Variants in CAMTA1 observed in about 807,000 individuals in gnomAD.
CAMTA1 encodes calmodulin binding transcription activator 1.
A neutral mutation model predicts 170.9 loss-of-function variants in CAMTA1; 27 were observed. The ratio of observed to expected loss-of-function variants is 0.16; its 90% CI spans 0.12 to 0.22. CAMTA1 has a LOEUF of 0.22. CAMTA1 is among the 10% of genes least tolerant of loss of function. The pLI is 1.00. For synonymous variants in CAMTA1, 833 were observed against 891.5 expected, an observed-to-expected ratio of 0.93 and a Z score of 1.17; for missense variants, 1,619 against 2,217.2, an observed-to-expected ratio of 0.73 and a Z score of 5.42.
chr1:7,360,124 AAT>A (rs2085430409), intron 5 of CAMTA1, among the ~76,000 whole-genome samples: 1 of 152,150 alleles, frequency 6.6e-6, no homozygotes, highest in Admixed American at 6.5e-5. Context: ...TTTTATAAGT[AAT>A]CAGTCATATT....
At position 7,641,665 on chromosome 1, in the gene CAMTA1, G is replaced by T. The variant is rs1211355929; in HGVS notation, c.664+1112G>T. On this transcript the variant is annotated intron_variant, in intron 7 of 22. Coordinates refer to ENST00000303635, the MANE Select transcript of CAMTA1 (RefSeq NM_015215.4). The surrounding 1 kb of genome is among the most constrained non-coding windows in gnomAD (Gnocchi z 4.5). ...TCTGTGTGGCAAGGGAGGCCCCCCA[G>T]TGGGTGACAGCCCTGCCCGCCAAGG... is the stretch of plus-strand genomic sequence containing the variant. 6.6e-6 allele frequency among the ~76,000 whole-genome samples: 1 copy of T among 152,130 alleles called. No individual in the cohort carries two copies. The highest frequency in any genetic ancestry group is 1.5e-5 in the Non-Finnish European group (1 of 67,988).
At chr1:7,632,853 G>A (rs549164275) in intron 6 of CAMTA1, among the ~76,000 whole-genome samples, 5 of 152,248 alleles carry the variant, frequency 3.3e-5, no homozygotes, top group African/African-American at 4.8e-5. Flanking sequence ...GATTGCGCAC[G>A]CCCAGGCGTG....
At chr1:7,119,858 A>G (rs1349712966) in intron 4 of CAMTA1, among the ~76,000 whole-genome samples, 4 of 152,194 alleles carry the variant, frequency 2.6e-5, no homozygotes, top group Non-Finnish European at 5.9e-5. Context: ...CCTTCTGAGG[A>G]TGGTGCATAG....
intron 22 of CAMTA1, among the ~76,000 whole-genome samples, chr1:7,766,173 T>G (rs534243982): frequency 6.6e-6 from 1 of 152,330 alleles, no homozygotes; most frequent in Non-Finnish European, 1.5e-5. Flanking sequence ...AACATGTGAT[T>G]GTCACACTTG....
chr1:7,195,159 G>T lies in CAMTA1; in HGVS notation c.303-54332G>T, dbSNP rs535467099. ...CCAGCAGCAGGCGAGGTTTTCTGTC[G>T]TCCAGCACGTGCAAGAGAAGGGCTG... On this transcript the variant is annotated intron_variant, in intron 4 of 22. Coordinates refer to ENST00000303635, the MANE Select transcript of CAMTA1 (RefSeq NM_015215.4). The surrounding 1 kb of genome is among the most constrained non-coding windows in gnomAD (Gnocchi z 4.1). Among the ~76,000 whole-genome samples the T allele has an allele frequency of 6.6e-6, 1 of 152,266 alleles. No homozygotes were observed. The highest frequency in any genetic ancestry group is 2.1e-4 in the South Asian group (1 of 4,818).
chr1:7,595,539 C>T (rs369360504), intron 6 of CAMTA1, among the ~76,000 whole-genome samples: 6 of 152,318 alleles, frequency 3.9e-5, no homozygotes, highest in African/African-American at 1.4e-4. Flanking sequence ...TGCTTCAGCA[C>T]CACGGAGCCC....
chr1:7,748,100 T>A lies in CAMTA1; in HGVS notation c.4689+319T>A, dbSNP rs1027982634. On this transcript the variant is annotated intron_variant, in intron 19 of 22. Transcript: ENST00000303635. The surrounding 1 kb of genome is among the most constrained non-coding windows in gnomAD (Gnocchi z 4.7). ...GCTGATTTTTCTAGTTTTAGTAGAG[T>A]CGGGGTTTCACCATGTTGCCAGGCT... 6.6e-6 allele frequency among the ~76,000 whole-genome samples: 1 copy of A among 151,554 alleles called. No homozygotes were observed. Among genetic ancestry groups the A allele is most frequent in the Non-Finnish European group, 1.5e-5 (1 of 67,878 alleles).
intron 3 of CAMTA1, among the ~76,000 whole-genome samples, chr1:6,904,192 C>T (rs553075258): frequency 3.3e-5 from 5 of 152,338 alleles, no homozygotes; most frequent in African/African-American, 1.2e-4. Flanking sequence ...AGGCACTTCT[C>T]ATGTTAGAAT....
At position 7,547,499 on chromosome 1, in the gene CAMTA1, T is replaced by A. The variant is rs999467976; in HGVS notation, c.510+79598T>A. On this transcript the variant is annotated intron_variant, in intron 6 of 22. Transcript: ENST00000303635. The surrounding 1 kb of genome is among the most constrained non-coding windows in gnomAD (Gnocchi z 5.7). The stretch of plus-strand genomic sequence containing the variant: ...TTGTACCAAACATATTTTTTTCTTA[T>A]GATTATTCCCTAAATAAAACAGTAT... 3.9e-5 allele frequency among the ~76,000 whole-genome samples: 6 copies of A among 152,186 alleles called. No homozygotes were observed. The highest frequency in any genetic ancestry group is 7.3e-5 in the Non-Finnish European group (5 of 68,036).
chr1:7,085,586 G>A (rs1004726927), intron 3 of CAMTA1, among the ~76,000 whole-genome samples: 9 of 152,266 alleles, frequency 5.9e-5, no homozygotes, highest in African/African-American at 2.2e-4. Context: ...ACTGTGGAGG[G>A]AGACAGCAAG....
In CAMTA1 at chr1:7,482,674, C is replaced by T. The variant is rs368941923; in HGVS notation, c.510+14773C>T. Among the ~76,000 whole-genome samples, 10 of 152,300 alleles carry T rather than the reference C, an allele frequency of 6.6e-5. No homozygotes were observed. Among genetic ancestry groups the T allele is most frequent in the South Asian group, 4.1e-4 (2 of 4,824 alleles). On this transcript the variant is annotated intron_variant, in intron 6 of 22. Coordinates refer to ENST00000303635, the MANE Select transcript of CAMTA1 (RefSeq NM_015215.4). This position sits in a 1 kb window ranked among gnomAD's most constrained non-coding sequence, Gnocchi z 4.2. ...AGCTTGGAGGATTGAGAAGGAAATT[C>T]GGGGCAGAAACGTTTGTTGATCCTG...
chr1:7,333,857 C>A lies in CAMTA1; in HGVS notation c.438+84231C>A, dbSNP rs1438698402. 2.0e-5 allele frequency among the ~76,000 whole-genome samples: 3 copies of A among 152,156 alleles called. No homozygotes were observed. The highest frequency in any genetic ancestry group is 2.9e-5 in the Non-Finnish European group (2 of 68,044). ...CTCTCTGTGTTTACATTTTAATGGG[C>A]ATTCCAGTGAAATGGAGGAATTTTT... On this transcript the variant is annotated intron_variant, in intron 5 of 22. Coordinates refer to ENST00000303635, the MANE Select transcript of CAMTA1 (RefSeq NM_015215.4). This position sits in a 1 kb window ranked among gnomAD's most constrained non-coding sequence, Gnocchi z 4.4.
intron 4 of CAMTA1, among the ~76,000 whole-genome samples, chr1:7,246,934 C>T (rs369262909): frequency 1.6e-4 from 25 of 152,240 alleles, no homozygotes; most frequent in African/African-American, 5.5e-4. Context: ...TCCCAAAGTA[C>T]TGGGTCTGAC....
chr1:7,531,980 C>T (rs762265815), intron 6 of CAMTA1, among the ~76,000 whole-genome samples: 6 of 152,044 alleles, frequency 3.9e-5, no homozygotes, highest in Admixed American at 6.5e-5. Flanking sequence ...AAACTGCTGG[C>T]GTTCTTGAGG....
intron 4 of CAMTA1, among the ~76,000 whole-genome samples, chr1:7,230,438 C>G (rs557835616): frequency 0.011 from 902 of 81,970 alleles, 107 homozygotes; most frequent in South Asian, 0.033. Flanking sequence ...GCTGACCCCC[C>G]CCCCCCGCCC....
At chr1:7,679,080 G>A (rs6695390) in intron 11 of CAMTA1, among the ~76,000 whole-genome samples, 2 of 152,190 alleles carry the variant, frequency 1.3e-5, no homozygotes, top group African/African-American at 2.4e-5. Context: ...GCACCGAGCT[G>A]CCCTTGGCAG....
In CAMTA1 at chr1:6,947,948, A is replaced by G. The variant is rs568772643; in HGVS notation, c.234+122738A>G. Among the ~76,000 whole-genome samples the G allele has an allele frequency of 3.8e-4, 58 of 152,316 alleles. 1 individual carries two copies. Among genetic ancestry groups the G allele is most frequent in the African/African-American group, 1.3e-3 (56 of 41,560 alleles). On this transcript the variant is annotated intron_variant, in intron 3 of 22. Coordinates refer to ENST00000303635, the MANE Select transcript of CAMTA1 (RefSeq NM_015215.4). ...GGATTCTTCAGGATTTTCTACATAC[A>G]AGATCATCTCATCTGTGAATTGAGA...
intron 5 of CAMTA1, among the ~76,000 whole-genome samples, chr1:7,294,955 C>T (rs545207435): frequency 5.3e-5 from 8 of 152,334 alleles, no homozygotes; most frequent in Non-Finnish European, 1.0e-4. Context: ...TCTCCAAGAT[C>T]GTTCTGATGT....
intron 6 of CAMTA1, among the ~76,000 whole-genome samples, chr1:7,500,053 G>A (rs545801102): frequency 4.2e-5 from 6 of 143,424 alleles, no homozygotes; most frequent in African/African-American, 1.1e-4. Context: ...CCTGGTGTGC[G>A]TGTGTACGTA....
Sources: gnomAD v4.1 joint callset for allele counts (sites outside exome capture counted in the v4.1 genomes callset) on GRCh38, gnomAD v4.1.1 for gene constraint, Gnocchi (gnomAD v3.1) non-coding constraint, MANE v1.5 for transcripts, NCBI Gene and HGNC (gene_info 2026-07-23, HGNC 2026-07-21) for gene names.